Variants in MYO1E observed in about 807,000 individuals in gnomAD.
The protein encoded by MYO1E is unconventional myosin-Ie.
In MYO1E, 68 loss-of-function variants were observed where a neutral mutation model predicts 151.1. That is an observed-to-expected ratio of 0.45 (90% CI 0.37 to 0.55). The LOEUF is 0.55. Ranked by LOEUF, MYO1E falls within the 20% of genes least tolerant of loss-of-function variation. The pLI is 0.00. For synonymous variants in MYO1E, 601 were observed against 501.7 expected, an observed-to-expected ratio of 1.20 and a Z score of -2.64; for missense variants, 1,363 against 1,389.3, an observed-to-expected ratio of 0.98 and a Z score of 0.30.
chr15:59,239,204 C>CAA lies in MYO1E; in HGVS notation c.333-2534_333-2533dup, dbSNP rs1176332432. On this transcript the variant is annotated intron_variant, in intron 4 of 27. Transcript: ENST00000288235. ...CTGGGCAACAAGAATGAAACTGTGT[C>CAA]AAAAAATATATATATATATATTTTT... Among the ~76,000 whole-genome samples the CAA allele has an allele frequency of 9.3e-3, 1,287 of 138,052 alleles. 7 individuals carry two copies. Among genetic ancestry groups the CAA allele is most frequent in the Non-Finnish European group, 0.013 (879 of 65,500 alleles). 90.6% of individuals were successfully genotyped at this position (138,052 alleles called of 152,430 possible). A position where few individuals can be genotyped will look rare whatever the true frequency, so the allele number is the denominator to read the frequency against.
chr15:59,214,818 A>G (rs916201333), intron 10 of MYO1E, 98 bp from the exon 11 acceptor site: 2 of 912,878 alleles, frequency 2.2e-6, no homozygotes, highest in African/African-American at 1.6e-5. Flanking sequence ...CACGGCAAAC[A>G]CTACTGCTTG....
intron 22 of MYO1E, 103 bp downstream of exon 22, chr15:59,171,794 A>G: frequency 6.9e-7 from 1 of 1,439,136 alleles, no homozygotes; most frequent in Non-Finnish European, 9.7e-7. Context: ...TGATTTTGAC[A>G]GCTGGGAAGC....
At chr15:59,144,902 G>A (rs569587053) in intron 26 of MYO1E, among the ~76,000 whole-genome samples, 2 of 152,240 alleles carry the variant, frequency 1.3e-5, no homozygotes, top group East Asian at 3.9e-4. Flanking sequence ...GGAGTGCAAT[G>A]GTACGATCTC....
At chr15:59,193,507 T>C (rs1166494759) in intron 17 of MYO1E, among the ~76,000 whole-genome samples, 1 of 152,152 alleles carries the variant, frequency 6.6e-6, no homozygotes, top group Non-Finnish European at 1.5e-5. Flanking sequence ...CCAAATTAAG[T>C]ACCTCCAAGA....
intron 26 of MYO1E, among the ~76,000 whole-genome samples, chr15:59,153,232 A>G (rs1012266149): frequency 3.9e-5 from 6 of 152,220 alleles, no homozygotes; most frequent in African/African-American, 1.4e-4. Context: ...AAGCTGTTGT[A>G]TTTATGCAAC....
intron 26 of MYO1E, among the ~76,000 whole-genome samples, chr15:59,148,764 G>A (rs1431479993): frequency 6.6e-6 from 1 of 152,128 alleles, no homozygotes; most frequent in Non-Finnish European, 1.5e-5. Context: ...CCTCCTTTGT[G>A]GCATGCCCAG....
At position 59,322,748 on chromosome 15, in the gene MYO1E, G is replaced by C. The variant is rs539599794; in HGVS notation, c.3+49750C>G. On this transcript the variant is annotated intron_variant, in intron 1 of 27. Transcript: ENST00000288235. ...ATTGGGAAAAAGAAAAAGGTACATG[G>C]GTTTTGAGTTTGTTTGTTTTTTTTC... is the stretch of plus-strand genomic sequence containing the variant. Among the ~76,000 whole-genome samples the C allele has an allele frequency of 2.0e-5, 3 of 152,224 alleles. No homozygotes were observed. The South Asian group carries it at 6.2e-4, about 32-fold the overall frequency.
At chr15:59,302,147 G>A (rs2080486825) in intron 1 of MYO1E, among the ~76,000 whole-genome samples, 2 of 152,124 alleles carry the variant, frequency 1.3e-5, no homozygotes, top group African/African-American at 2.4e-5. Context: ...GAGAAAAAAA[G>A]GCAGGAAAAG....
At chr15:59,177,178 C>T (rs1379404114) in intron 19 of MYO1E, among the ~76,000 whole-genome samples, 1 of 152,168 alleles carries the variant, frequency 6.6e-6, no homozygotes, top group Non-Finnish European at 1.5e-5. Context: ...ACAACATTTT[C>T]ACTTTATATT....
intron 18 of MYO1E, among the ~76,000 whole-genome samples, chr15:59,184,347 T>A (rs1311270178): frequency 2.6e-5 from 4 of 151,698 alleles, no homozygotes; most frequent in Admixed American, 2.6e-4. Context: ...TACTCCACTG[T>A]GTATGTGTAA....
chr15:59,170,408 AG>A (rs1438760075), intron 22 of MYO1E, among the ~76,000 whole-genome samples: 1 of 152,156 alleles, frequency 6.6e-6, no homozygotes, highest in African/African-American at 2.4e-5. Flanking sequence ...CAGGCATGGC[AG>A]GGCCCCATGC....
In MYO1E at chr15:59,165,901, C is replaced by T. The variant is rs539192262; in HGVS notation, c.2481-2598G>A. ...TCCTGTTTTGGTTGTTTGCTCAAAGCTTTCTTTGGCATGTCTGGTCATGCC... is the reference window on the plus strand; with the variant it reads ...TCCTGTTTTGGTTGTTTGCTCAAAGTTTTCTTTGGCATGTCTGGTCATGCC... On this transcript the variant is annotated intron_variant, in intron 22 of 27. Transcript: ENST00000288235. Among the ~76,000 whole-genome samples, 5 of 152,274 alleles carry T rather than the reference C, an allele frequency of 3.3e-5. No homozygotes were observed. The South Asian group carries it at 1.0e-3, about 32-fold the overall frequency.
At chr15:59,195,138 T>C (rs1250773068) in intron 17 of MYO1E, among the ~76,000 whole-genome samples, 2 of 152,226 alleles carry the variant, frequency 1.3e-5, no homozygotes, top group African/African-American at 4.8e-5. Flanking sequence ...TAAGAATGTC[T>C]ACACAGAACC....
rs1247791587 is a variant in MYO1E, at chr15:59,223,098, T to C, written c.871A>G (p.Lys291Glu). The change falls in exon 9 of 28, where the codon AAA becomes GAA. Residue 291 changes from lysine (K) to glutamate (E), a missense_variant. Coordinates refer to ENST00000288235, the MANE Select transcript of MYO1E (RefSeq NM_004998.4). ...ACAGCCGCGTAGTTGCCAACTTCTTTGAAGCTGATGTTTCCCAGGTGGAGA... is the reference window on the plus strand; with the variant it reads ...ACAGCCGCGTAGTTGCCAACTTCTTCGAAGCTGATGTTTCCCAGGTGGAGA... The part of the protein sequence containing the change: ...GILHLGNISF[K>E]EVGNYAAVES... The C allele has an allele frequency of 6.2e-7, 1 of 1,613,932 alleles. No individual in the cohort carries two copies. Among genetic ancestry groups the C allele is most frequent in the South Asian group, 1.1e-5 (1 of 91,066 alleles).
intron 1 of MYO1E, among the ~76,000 whole-genome samples, chr15:59,348,180 T>C (rs1042157596): frequency 1.3e-5 from 2 of 152,162 alleles, no homozygotes; most frequent in Admixed American, 6.5e-5. Context: ...AAAACTACCA[T>C]AGCCTTGACA....
At position 59,218,029 on chromosome 15, in the gene MYO1E, T is replaced by A; in HGVS notation, c.969A>T (p.Leu323=). Residue 323 remains leucine, a synonymous_variant, in exon 10 of 28, where the codon CTA becomes CTT. Coordinates refer to ENST00000288235, the MANE Select transcript of MYO1E (RefSeq NM_004998.4). ...ACTTGCTATCCATCTGCCGGCTTGT[T>A]AGCTTTTCTTTCAACCGGTCCTGGT... ...GINQDRLKEK[L]TSRQMDSKWG... 6.2e-7 allele frequency: 1 copy of A among 1,614,226 alleles called. No individual in the cohort carries two copies. The highest frequency in any genetic ancestry group is 1.1e-5 in the South Asian group (1 of 91,086).
At chr15:59,163,533 G>C (rs865850801) in intron 22 of MYO1E, among the ~76,000 whole-genome samples, 1 of 151,980 alleles carries the variant, frequency 6.6e-6, no homozygotes. Flanking sequence ...CATGATCAAA[G>C]TACTTTTTCC....
chr15:59,161,122 A>C lies in MYO1E; in HGVS notation c.2736T>G (p.Ser912Arg). The change falls in exon 24 of 28, where the codon AGT becomes AGG. Residue 912 changes from serine (S) to arginine (R), a missense_variant. By Grantham distance (110) the Ser-to-Arg change is moderately radical. Transcript: ENST00000288235. ...CGATGCTGACCTGCAGCACTTTGTT[A>C]CTGGGCTTGAGGACAGCCAGGTCCC... ...GFGDLAVLKP[S>R]NKVLQVSIGP... is the part of the protein sequence containing the mutation. 1 of 1,614,004 alleles carries C rather than the reference A, an allele frequency of 6.2e-7. No homozygotes were observed.
chr15:59,141,882 TGGATCATGAGGTCA>T lies in MYO1E; in HGVS notation c.3081-3529_3081-3516del, dbSNP rs1489731715. Reference sequence around the variant, plus strand: ...CAGCACTTGGGGAGGCCGAGGTGGGTGGATCATGAGGTCAGGAGATAGAGACCATCCTGGCTAAC... The same window carrying T: ...CAGCACTTGGGGAGGCCGAGGTGGGTGGAGATAGAGACCATCCTGGCTAAC... On this transcript the variant is annotated intron_variant, in intron 26 of 27. Transcript: ENST00000288235. Among the ~76,000 whole-genome samples the T allele has an allele frequency of 2.0e-4, 27 of 137,748 alleles. 1 individual carries two copies. Among genetic ancestry groups the T allele is most frequent in the Non-Finnish European group, 3.1e-4 (20 of 65,324 alleles). 90.4% of individuals were successfully genotyped at this position (137,748 alleles called of 152,430 possible).
Sources: gnomAD v4.1 joint callset for allele counts (sites outside exome capture counted in the v4.1 genomes callset) on GRCh38, gnomAD v4.1.1 for gene constraint, MANE v1.5 for transcripts, NCBI Gene and HGNC (gene_info 2026-07-23, HGNC 2026-07-21) for gene names.